The following SLC23A2 variants were observed in gnomAD, a reference collection of about 807,000 sequenced individuals.
SLC23A2 encodes the protein solute carrier family 23 member 2.
Under a neutral mutation model 73.3 loss-of-function variants are expected in SLC23A2, and 36 were observed. The observed-to-expected ratio is 0.49, with a 90% CI of 0.38 to 0.65. The LOEUF (loss-of-function observed/expected upper bound fraction) is 0.65. Ranked by LOEUF, SLC23A2 falls within the 30% of genes least tolerant of loss-of-function variation. The pLI is 0.00. For missense variants in SLC23A2, 507 were observed against 841.6 expected, an observed-to-expected ratio of 0.60 and a Z score of 4.92; for synonymous variants, 343 against 327.3, an observed-to-expected ratio of 1.05 and a Z score of -0.52.
At position 4,956,968 on chromosome 20, in the gene SLC23A2, C is replaced by T. The variant is rs545690221; in HGVS notation, c.-155+13825G>A. Reference sequence around the variant, plus strand: ...GATTACAGGCATGTGCCACCATGCCCGGCTAATTTTATATTTTTAGTAGAG... The same window carrying T: ...GATTACAGGCATGTGCCACCATGCCTGGCTAATTTTATATTTTTAGTAGAG... On this transcript the variant is annotated intron_variant, in intron 2 of 16. Transcript: ENST00000338244. 1.6e-3 allele frequency among the ~76,000 whole-genome samples: 245 copies of T among 151,968 alleles called. 6 individuals carry two copies. In the South Asian group the frequency reaches 0.018, roughly 11 times the overall value.
In SLC23A2 at chr20:4,902,194, G is replaced by C. The variant is rs776414114; in HGVS notation, c.324+248C>G. On this transcript the variant is annotated intron_variant, in intron 5 of 16. Transcript: ENST00000338244. This position sits in a 1 kb window ranked among gnomAD's most constrained non-coding sequence, Gnocchi z 4.0. The stretch of plus-strand genomic sequence containing the variant: ...AATTTTTGTATTTTTTGTAGAGATG[G>C]ACTTTTGCCATGTTACCCAGGCTGG... Among the ~76,000 whole-genome samples the C allele has an allele frequency of 4.6e-5, 7 of 152,116 alleles. No homozygotes were observed. Among genetic ancestry groups the C allele is most frequent in the Non-Finnish European group, 8.8e-5 (6 of 68,040 alleles).
chr20:4,915,403 T>G (rs2122901228), intron 3 of SLC23A2, among the ~76,000 whole-genome samples: 1 of 152,344 alleles, frequency 6.6e-6, no homozygotes, highest in East Asian at 1.9e-4. Flanking sequence ...CCTTAATTGG[T>G]AGGGCCATTT....
Position 4,971,299 on chromosome 20 carries a change from A to AACACAC in SLC23A2, c.-281-386_-281-381dup, listed in dbSNP as rs35758430. 3.6e-3 allele frequency among the ~76,000 whole-genome samples: 520 copies of AACACAC among 142,510 alleles called. 5 individuals carry two copies. Among genetic ancestry groups the AACACAC allele is most frequent in the African/African-American group, 0.012 (447 of 38,174 alleles). The allele number at this position is 142,510 out of a possible 152,430, so 93.5% of individuals were successfully genotyped here. ...CTGAGCAATAGGGTGGTCTCTACAA[A>AACACAC]ACACACACACACACACACACACACA... On this transcript the variant is annotated intron_variant, in intron 1 of 16. Coordinates refer to ENST00000338244, the MANE Select transcript of SLC23A2 (RefSeq NM_005116.6).
chr20:4,951,186 G>T (rs1440635963), intron 2 of SLC23A2, among the ~76,000 whole-genome samples: 2 of 152,018 alleles, frequency 1.3e-5, no homozygotes, highest in African/African-American at 4.8e-5. Context: ...ACCCACAGTT[G>T]GAATAAAGGA....
At chr20:4,893,463 A>G (rs769722139) in intron 6 of SLC23A2, among the ~76,000 whole-genome samples, 1 of 152,192 alleles carries the variant, frequency 6.6e-6, no homozygotes, top group African/African-American at 2.4e-5. Flanking sequence ...CCTTGCCCCA[A>G]TCTGATCACC....
chr20:4,945,292 T>C (rs934278554), intron 2 of SLC23A2, among the ~76,000 whole-genome samples: 1 of 148,766 alleles, frequency 6.7e-6, no homozygotes, highest in Non-Finnish European at 1.5e-5. Flanking sequence ...GAACTCTTGA[T>C]CTTGTTTGTT....
At chr20:4,989,620 G>A (rs2087892105) in intron 1 of SLC23A2, among the ~76,000 whole-genome samples, 2 of 111,432 alleles carry the variant, frequency 1.8e-5, no homozygotes, top group Non-Finnish European at 4.2e-5. Context: ...AGGCTGCAGT[G>A]AGCCATGATC....
At chr20:4,925,362 C>T (rs1388475985) in intron 3 of SLC23A2, among the ~76,000 whole-genome samples, 3 of 152,080 alleles carry the variant, frequency 2.0e-5, no homozygotes, top group African/African-American at 4.8e-5. Flanking sequence ...CACTATTCCC[C>T]TCCCTGATTT....
intron 1 of SLC23A2, among the ~76,000 whole-genome samples, chr20:4,986,809 A>G (rs1305055921): frequency 6.6e-6 from 1 of 151,882 alleles, no homozygotes; most frequent in African/African-American, 2.4e-5. Flanking sequence ...AGAGTCAAAA[A>G]GAGAAATCAA....
At chr20:4,956,599 G>A (rs967117154) in intron 2 of SLC23A2, among the ~76,000 whole-genome samples, 12 of 151,888 alleles carry the variant, frequency 7.9e-5, no homozygotes, top group African/African-American at 2.9e-4. Flanking sequence ...GGTGTCAGAG[G>A]CAACCAGGTA....
chr20:4,942,925 A>G (rs563477262), intron 2 of SLC23A2, among the ~76,000 whole-genome samples: 1 of 152,032 alleles, frequency 6.6e-6, no homozygotes, highest in East Asian at 1.9e-4. Flanking sequence ...GAATCCCCCT[A>G]TGTAAAATTC....
At chr20:5,009,960 T>TGG (rs2088231649) in intron 1 of SLC23A2, among the ~76,000 whole-genome samples, 1 of 151,970 alleles carries the variant, frequency 6.6e-6, no homozygotes, top group Non-Finnish European at 1.5e-5. Context: ...CCGGGCGTGG[T>TGG]TGCAGGCGCC....
At chr20:4,981,031 T>A (rs1462265240) in intron 1 of SLC23A2, among the ~76,000 whole-genome samples, 1 of 152,230 alleles carries the variant, frequency 6.6e-6, no homozygotes, top group Non-Finnish European at 1.5e-5. Context: ...TTAGATTTAG[T>A]GGTCTCTATA....
At chr20:4,975,276 C>G (rs1431882928) in intron 1 of SLC23A2, among the ~76,000 whole-genome samples, 1 of 151,826 alleles carries the variant, frequency 6.6e-6, no homozygotes, top group Non-Finnish European at 1.5e-5. Context: ...CAAAGCACAA[C>G]GGAAGAAAAC....
intron 1 of SLC23A2, among the ~76,000 whole-genome samples, chr20:4,991,392 AAATCAC>A (rs1245417329): frequency 1.3e-5 from 2 of 152,150 alleles, no homozygotes; most frequent in African/African-American, 4.8e-5. Context: ...TTACAGGCAT[AAATCAC>A]ATGTCCAGTC....
chr20:4,987,115 A>G (rs887368406), intron 1 of SLC23A2, among the ~76,000 whole-genome samples: 4 of 152,140 alleles, frequency 2.6e-5, no homozygotes, highest in African/African-American at 9.7e-5. Flanking sequence ...AACTCACACT[A>G]GGGGTCCAGA....
chr20:5,004,046 C>T (rs1010645919), upstream of SLC23A2, among the ~76,000 whole-genome samples: 12 of 152,084 alleles, frequency 7.9e-5, 1 homozygote, highest in African/African-American at 2.4e-4. Flanking sequence ...TTCTCCCCTG[C>T]CCTCTCCTTC....
At chr20:4,879,721 T>A (rs1032657788) in intron 9 of SLC23A2, among the ~76,000 whole-genome samples, 1 of 152,176 alleles carries the variant, frequency 6.6e-6, no homozygotes, top group African/African-American at 2.4e-5. Flanking sequence ...CATGGAGCCA[T>A]GATCGATTTC....
chr20:4,935,869 G>A (rs919340853), intron 2 of SLC23A2, among the ~76,000 whole-genome samples: 3 of 152,002 alleles, frequency 2.0e-5, no homozygotes, highest in African/African-American at 7.2e-5. Flanking sequence ...TGTGCAAGTG[G>A]GTAATTTTTC....
Sources: gnomAD v4.1 joint callset for allele counts (sites outside exome capture counted in the v4.1 genomes callset) on GRCh38, gnomAD v4.1.1 for gene constraint, Gnocchi (gnomAD v3.1) non-coding constraint, MANE v1.5 for transcripts, NCBI Gene and HGNC (gene_info 2026-07-23, HGNC 2026-07-21) for gene names.